FOXN3: variants seen among roughly 807,000 people sequenced by gnomAD.
FOXN3 encodes forkhead box protein N3.
FOXN3 carries 7 observed loss-of-function variants against 38.4 expected under a neutral mutation model. That is an observed-to-expected ratio of 0.18 (90% CI 0.10 to 0.34). The LOEUF is 0.34. FOXN3 is among the 10% of genes least tolerant of loss of function. The probability of loss-of-function intolerance (pLI) is 1.00; values close to 1 mark genes in which losing one functional copy is unlikely to be tolerated. For synonymous variants in FOXN3, 230 were observed against 242.2 expected, an observed-to-expected ratio of 0.95 and a Z score of 0.47; for missense variants, 456 against 613.4, an observed-to-expected ratio of 0.74 and a Z score of 2.71.
chr14:89,205,392 G>A (rs975368939), intron 4 of FOXN3, among the ~76,000 whole-genome samples: 27 of 152,202 alleles, frequency 1.8e-4, no homozygotes, highest in Admixed American at 1.6e-3. Flanking sequence ...TTGGGCCTGT[G>A]CCCAAGGACC....
rs140470068 is a variant in FOXN3 at position 89,213,542 on chromosome 14, A to G, written c.746-32736T>C. ...CATATAGCTACTGTTTCAAAACCCT[A>G]CCTTAAGGATGGCTGATTCCATTGT... On this transcript the variant is annotated intron_variant, in intron 4 of 5. Coordinates refer to ENST00000557258, the MANE Select transcript of FOXN3 (RefSeq NM_005197.4). 3.2e-3 allele frequency among the ~76,000 whole-genome samples: 480 copies of G among 152,196 alleles called. 5 individuals carry two copies. Among genetic ancestry groups the G allele is most frequent in the African/African-American group, 0.011 (459 of 41,524 alleles).
intron 1 of FOXN3, among the ~76,000 whole-genome samples, chr14:89,427,922 C>T (rs1010109532): frequency 1.4e-4 from 21 of 152,112 alleles, no homozygotes; most frequent in Non-Finnish European, 3.1e-4. Flanking sequence ...AGAAAAGTAG[C>T]CTCATCAACA....
intron 2 of FOXN3, among the ~76,000 whole-genome samples, chr14:89,363,956 A>ATATATATATATATATATATATATG (rs1889998543): frequency 3.5e-4 from 1 of 2,840 alleles, no homozygotes; most frequent in Non-Finnish European, 2.6e-3. Flanking sequence ...AAATATATAT[A>ATATATATATATATATATATATATG]TATATATATA....
At chr14:89,328,384 C>A (rs756271119) in intron 3 of FOXN3, among the ~76,000 whole-genome samples, 7 of 140,046 alleles carry the variant, frequency 5.0e-5, no homozygotes, top group South Asian at 2.3e-4. Context: ...CACCAGCAGC[C>A]CTGGATGAAT....
intron 3 of FOXN3, among the ~76,000 whole-genome samples, chr14:89,335,076 A>G (rs12881082): frequency 1.1e-5 from 1 of 88,010 alleles, no homozygotes; most frequent in Non-Finnish European, 2.7e-5. Flanking sequence ...CTATTTTCAT[A>G]TCACACACAC....
rs1345572505 is a variant in FOXN3 at position 89,401,749 on chromosome 14, G to A, written c.543+10185C>T. The A allele has an allele frequency of 2.5e-5, 11 of 435,944 alleles. No homozygotes were observed. In the East Asian group the frequency reaches 6.4e-4, roughly 25 times the overall value. The allele number at this position is 435,944 out of a possible 1,614,324, so 27.0% of individuals were successfully genotyped here. Reference sequence around the variant, plus strand: ...ATGACATTAGTTAAATCACTTATCGGTCCTGTCCCTCGAGGAGGACAGTCA... The same window carrying A: ...ATGACATTAGTTAAATCACTTATCGATCCTGTCCCTCGAGGAGGACAGTCA... On this transcript the variant is annotated intron_variant, in intron 2 of 5. Coordinates refer to ENST00000557258, the MANE Select transcript of FOXN3 (RefSeq NM_005197.4).
chr14:89,449,336 T>C, intron 1 of FOXN3, among the ~76,000 whole-genome samples: 1 of 152,326 alleles, frequency 6.6e-6, no homozygotes, highest in East Asian at 1.9e-4. Flanking sequence ...TAATATGAGC[T>C]TCCCTTTGCC....
intron 3 of FOXN3, among the ~76,000 whole-genome samples, chr14:89,309,993 G>A (rs1887483556): frequency 6.6e-6 from 1 of 152,130 alleles, no homozygotes; most frequent in South Asian, 2.1e-4. Flanking sequence ...ATAGAACGTC[G>A]CTAAGTGCCA....
intron 1 of FOXN3, among the ~76,000 whole-genome samples, chr14:89,589,880 C>T (rs2139924034): frequency 6.6e-6 from 1 of 152,262 alleles, no homozygotes; most frequent in South Asian, 2.1e-4. Context: ...AAGAGAAACT[C>T]AGCCCCTTCA....
chr14:89,269,997 T>C (rs74460485), intron 4 of FOXN3, among the ~76,000 whole-genome samples: 5,001 of 152,284 alleles, frequency 0.033, 271 homozygotes, highest in African/African-American at 0.11. Flanking sequence ...ACCCTCCATG[T>C]CACAGTGATT....
At chr14:89,347,930 G>A (rs1198848495) in intron 3 of FOXN3, among the ~76,000 whole-genome samples, 1 of 149,728 alleles carries the variant, frequency 6.7e-6, no homozygotes, top group Non-Finnish European at 1.5e-5. Flanking sequence ...CTCCAGCCTG[G>A]AGAGAGAGCA....
At chr14:89,533,135 T>C (rs1164463795) in intron 1 of FOXN3, among the ~76,000 whole-genome samples, 1 of 152,250 alleles carries the variant, frequency 6.6e-6, no homozygotes, top group Non-Finnish European at 1.5e-5. Flanking sequence ...ACCAAGTTGC[T>C]TGGGGCCACA....
chr14:89,327,032 G>C, intron 3 of FOXN3, among the ~76,000 whole-genome samples: 1 of 152,084 alleles, frequency 6.6e-6, no homozygotes, highest in East Asian at 1.9e-4. Flanking sequence ...CTGGTGATTA[G>C]ATGCAATCAT....
intron 1 of FOXN3, among the ~76,000 whole-genome samples, chr14:89,472,548 A>G (rs563165635): frequency 3.2e-4 from 48 of 151,860 alleles, no homozygotes; most frequent in South Asian, 2.9e-3. Context: ...GTGAAACCCC[A>G]TCTCTACTAA....
chr14:89,462,595 C>T (rs1051533683), intron 1 of FOXN3, among the ~76,000 whole-genome samples: 1 of 152,094 alleles, frequency 6.6e-6, no homozygotes, highest in African/African-American at 2.4e-5. Flanking sequence ...GGGACTCTGT[C>T]TACAGAGGTC....
chr14:89,542,147 A>G (rs1360660869), intron 1 of FOXN3, among the ~76,000 whole-genome samples: 4 of 152,236 alleles, frequency 2.6e-5, no homozygotes, highest in Non-Finnish European at 5.9e-5. Flanking sequence ...CCCTAAGTAC[A>G]ATACTTGTAT....
intron 1 of FOXN3, among the ~76,000 whole-genome samples, chr14:89,511,220 TTTCTTTC>T (rs1566681118): frequency 2.6e-4 from 3 of 11,710 alleles, no homozygotes; most frequent in Admixed American, 1.7e-3. Context: ...TCTTTCTTTC[TTTCTTTC>T]TTTTCTTTCC....
At chr14:89,171,326 A>G (rs887096556) in intron 5 of FOXN3, among the ~76,000 whole-genome samples, 1 of 152,236 alleles carries the variant, frequency 6.6e-6, no homozygotes, top group Non-Finnish European at 1.5e-5. Flanking sequence ...CATCAGTGCC[A>G]GACTATTTTG....
intron 1 of FOXN3, among the ~76,000 whole-genome samples, chr14:89,466,105 C>T (rs914651602): frequency 2.6e-5 from 4 of 152,230 alleles, no homozygotes; most frequent in African/African-American, 9.6e-5. Flanking sequence ...CAGGGCTGCC[C>T]CTCCAGGAAC....
Sources: gnomAD v4.1 joint callset for allele counts (sites outside exome capture counted in the v4.1 genomes callset) on GRCh38, gnomAD v4.1.1 for gene constraint, MANE v1.5 for transcripts, NCBI Gene and HGNC (gene_info 2026-07-23, HGNC 2026-07-21) for gene names.